Variants in SLC25A26 observed in about 807,000 individuals in gnomAD.
SLC25A26 encodes solute carrier family 25 member 26.
SLC25A26 carries 36 observed loss-of-function variants against 37.8 expected under a neutral mutation model. The observed-to-expected ratio is 0.95, with a 90% CI of 0.73 to 1.26. SLC25A26 has a LOEUF of 1.26. SLC25A26 is among the 50% of genes most tolerant of loss of function. SLC25A26 has a pLI of 0.00. For synonymous variants in SLC25A26, 129 were observed against 122.5 expected (o/e 1.05, Z -0.35); for missense variants, 390 against 331.1 (o/e 1.18, Z -1.38).
At chr3:66,221,997 G>A (rs1174531685) in intron 1 of SLC25A26, among the ~76,000 whole-genome samples, 1 of 152,002 alleles carries the variant, frequency 6.6e-6, no homozygotes, top group Non-Finnish European at 1.5e-5. Flanking sequence ...TAAGGGTCAG[G>A]TGTTAGAGAC....
intron 1 of SLC25A26, among the ~76,000 whole-genome samples, chr3:66,200,904 T>A (rs1022494055): frequency 2.6e-5 from 4 of 152,106 alleles, no homozygotes; most frequent in Non-Finnish European, 4.4e-5. Context: ...GGGGGAAATA[T>A]CCCTAAGATT....
intron 3 of SLC25A26, among the ~76,000 whole-genome samples, chr3:66,260,704 T>G (rs1258720342): frequency 6.6e-6 from 1 of 152,212 alleles, no homozygotes; most frequent in African/African-American, 2.4e-5. Flanking sequence ...CCAAGGCTAA[T>G]TCCCTTGGAG....
intron 1 of SLC25A26, among the ~76,000 whole-genome samples, chr3:66,173,892 AAC>A (rs1300729113): frequency 2.6e-5 from 4 of 152,128 alleles, no homozygotes; most frequent in African/African-American, 7.2e-5. Flanking sequence ...CTCTACTAAA[AAC>A]ACAAAAAAAT....
intron 5 of SLC25A26, among the ~76,000 whole-genome samples, chr3:66,270,951 A>G (rs1013767346): frequency 6.6e-6 from 1 of 152,150 alleles, no homozygotes; most frequent in Admixed American, 6.6e-5. Flanking sequence ...AAAATGCTAC[A>G]TATTTCCATT....
In SLC25A26 at chr3:66,320,723, G is replaced by A. The variant is rs79035702; in HGVS notation, c.454-25641G>A. Among the ~76,000 whole-genome samples the A allele has an allele frequency of 4.3e-3, 648 of 152,248 alleles. 9 individuals carry two copies. Among genetic ancestry groups the A allele is most frequent in the African/African-American group, 0.015 (610 of 41,542 alleles). ...ACCAGCAATGTATTAGGGTTCCAGT[G>A]TCTTGTCACCACTTGTTATTTTGTT... is the stretch of plus-strand genomic sequence containing the variant. On this transcript the variant is annotated intron_variant, in intron 5 of 9. Coordinates refer to ENST00000354883, the MANE Select transcript of SLC25A26 (RefSeq NM_001379210.1).
chr3:66,212,725 G>T (rs2071301050), intron 1 of SLC25A26, among the ~76,000 whole-genome samples: 1 of 152,060 alleles, frequency 6.6e-6, no homozygotes. Flanking sequence ...TCACCTAAAT[G>T]GAATCATATA....
intron 1 of SLC25A26, among the ~76,000 whole-genome samples, chr3:66,236,206 CTTTTTTTTTTTT>C (rs1168848606): frequency 7.2e-5 from 6 of 82,908 alleles, no homozygotes; most frequent in African/African-American, 3.0e-4. Flanking sequence ...CACATCTGGA[CTTTTTTTTTTTT>C]TTTTTTTTTT....
At chr3:66,370,408 T>G (rs1700282204) in intron 8 of SLC25A26, 121 bp from the exon 9 acceptor site, 3 of 823,778 alleles carry the variant, frequency 3.6e-6, no homozygotes, top group Non-Finnish European at 6.1e-6. Flanking sequence ...AACTCCCTGG[T>G]ATCTGACACT....
intron 5 of SLC25A26, among the ~76,000 whole-genome samples, chr3:66,290,594 C>A (rs962196454): frequency 6.6e-6 from 1 of 152,106 alleles, no homozygotes; most frequent in African/African-American, 2.4e-5. Flanking sequence ...TGTCATGGTT[C>A]TGTTTATGTA....
intron 1 of SLC25A26, among the ~76,000 whole-genome samples, chr3:66,186,454 C>T (rs2070829510): frequency 6.6e-6 from 1 of 151,838 alleles, no homozygotes; most frequent in African/African-American, 2.4e-5. Flanking sequence ...TTATCTTATN[C>T]CTCAACCTCA....
At chr3:66,297,535 A>G (rs1172404725) in intron 5 of SLC25A26, among the ~76,000 whole-genome samples, 2 of 152,236 alleles carry the variant, frequency 1.3e-5, no homozygotes, top group South Asian at 2.1e-4. Context: ...GTCTAGTTGC[A>G]GTTTTGCCAC....
chr3:66,234,758 C>A (rs36191084), intron 1 of SLC25A26, among the ~76,000 whole-genome samples: 3 of 152,002 alleles, frequency 2.0e-5, no homozygotes, highest in Non-Finnish European at 2.9e-5. Flanking sequence ...TTTGTAAACT[C>A]GAAGGATGGA....
rs560503593 is a variant in SLC25A26 at position 66,256,393 on chromosome 3, T to G, written c.301-5658T>G. 7.2e-5 allele frequency among the ~76,000 whole-genome samples: 11 copies of G among 152,324 alleles called. No homozygotes were observed. The South Asian group carries it at 2.3e-3, about 32-fold the overall frequency. On this transcript the variant is annotated intron_variant, in intron 3 of 9. Coordinates refer to ENST00000354883, the MANE Select transcript of SLC25A26 (RefSeq NM_001379210.1). ...TTAAATTAGCCCTTTTATTTTATTT[T>G]TCTTCCTCACTTAAAATCTTTGGTC...
chr3:66,280,465 C>T (rs941717517), intron 5 of SLC25A26, among the ~76,000 whole-genome samples: 3 of 152,142 alleles, frequency 2.0e-5, no homozygotes, highest in Admixed American at 1.3e-4. Context: ...ACAGACATTT[C>T]TCTGTTTAAT....
chr3:66,309,985 G>C (rs1260797941), intron 5 of SLC25A26, among the ~76,000 whole-genome samples: 3 of 152,136 alleles, frequency 2.0e-5, no homozygotes, highest in Non-Finnish European at 4.4e-5. Flanking sequence ...GTTGATTTGG[G>C]GTGGAGAGTT....
chr3:66,197,763 G>C (rs2071064188), intron 1 of SLC25A26, among the ~76,000 whole-genome samples: 1 of 152,058 alleles, frequency 6.6e-6, no homozygotes, highest in Non-Finnish European at 1.5e-5. Context: ...TGCAAGACAG[G>C]GTTATTGTGA....
intron 2 of SLC25A26, among the ~76,000 whole-genome samples, chr3:66,241,046 C>T (rs939271947): frequency 2.0e-5 from 3 of 152,128 alleles, no homozygotes; most frequent in Admixed American, 1.3e-4. Flanking sequence ...CGTACCTGGC[C>T]ACCTTTTCTT....
chr3:66,216,278 G>C (rs1441865986), upstream of SLC25A26, among the ~76,000 whole-genome samples: 10 of 152,196 alleles, frequency 6.6e-5, no homozygotes, highest in Non-Finnish European at 1.3e-4. Flanking sequence ...ATTCTAGGCT[G>C]AGGTGGGTGG....
intron 1 of SLC25A26, among the ~76,000 whole-genome samples, chr3:66,138,750 A>G (rs1225326496): frequency 1.3e-5 from 2 of 152,104 alleles, no homozygotes; most frequent in East Asian, 1.9e-4. Flanking sequence ...CACAAACCGT[A>G]TTGGGAGGTC....
Sources: gnomAD v4.1 joint callset for allele counts (sites outside exome capture counted in the v4.1 genomes callset) on GRCh38, gnomAD v4.1.1 for gene constraint, MANE v1.5 for transcripts, NCBI Gene and HGNC (gene_info 2026-07-23, HGNC 2026-07-21) for gene names.